The following GULP1 variants were observed in gnomAD, a reference collection of about 807,000 sequenced individuals.
GULP1 encodes PTB domain-containing engulfment adapter protein 1.
Under a neutral mutation model 40.9 loss-of-function variants are expected in GULP1, and 19 were observed. The observed-to-expected ratio is 0.46, with a 90% CI of 0.32 to 0.68. The LOEUF (loss-of-function observed/expected upper bound fraction) is 0.68. Ranked by LOEUF, GULP1 falls within the 30% of genes least tolerant of loss-of-function variation. GULP1 has a pLI of 0.03. For synonymous variants in GULP1, 119 were observed against 117.6 expected (o/e 1.01, Z -0.08); for missense variants, 312 against 362.2 (o/e 0.86, Z 1.12).
Position 188,594,143 on chromosome 2 carries a change from C to A in GULP1, c.*132C>A. ...TATTTTAATATTTTGAAAATTTTCT[C>A]AGTTAAATTTCCTCACCTTCACTAT... On this transcript the variant is annotated 3_prime_UTR_variant, in exon 12 of 12. Transcript: ENST00000409830. 1.9e-6 allele frequency: 1 copy of A among 529,104 alleles called. No homozygotes were observed. The highest frequency in any genetic ancestry group is 3.4e-6 in the Non-Finnish European group (1 of 296,370). 32.8% of individuals were successfully genotyped at this position (529,104 alleles called of 1,614,324 possible). A position where few individuals can be genotyped will look rare whatever the true frequency, so the allele number is the denominator to read the frequency against.
At chr2:188,489,955 T>C (rs897408008) in intron 4 of GULP1, among the ~76,000 whole-genome samples, 45 of 152,218 alleles carry the variant, frequency 3.0e-4, no homozygotes, top group African/African-American at 1.1e-3. Context: ...GAGATAAACT[T>C]TCAGTTAATT....
At chr2:188,555,264 AC>A (rs1164767880) in intron 7 of GULP1, among the ~76,000 whole-genome samples, 1 of 152,124 alleles carries the variant, frequency 6.6e-6, no homozygotes, top group Non-Finnish European at 1.5e-5. Flanking sequence ...CTGTAGTGGT[AC>A]ACTTTGAGTC....
chr2:188,589,784 A>C, intron 11 of GULP1: 1 of 1,215,724 alleles, frequency 8.2e-7, no homozygotes, highest in Non-Finnish European at 1.1e-6. Context: ...ATTTTAAACA[A>C]CTTACAAATT....
At chr2:188,367,031 G>T (rs923260887) in intron 1 of GULP1, among the ~76,000 whole-genome samples, 17 of 152,096 alleles carry the variant, frequency 1.1e-4, no homozygotes, top group Non-Finnish European at 2.1e-4. Flanking sequence ...ATTTGTTGTA[G>T]TAACAAATGG....
At chr2:188,510,302 T>C (rs1429400293) in intron 4 of GULP1, among the ~76,000 whole-genome samples, 1 of 152,082 alleles carries the variant, frequency 6.6e-6, no homozygotes, top group Non-Finnish European at 1.5e-5. Flanking sequence ...AAGAATGAAA[T>C]ATAGATGCTT....
chr2:188,331,023 C>T (rs186992068), intron 1 of GULP1, among the ~76,000 whole-genome samples: 1 of 152,258 alleles, frequency 6.6e-6, no homozygotes, highest in Admixed American at 6.5e-5. Flanking sequence ...AGTTATGTAC[C>T]AAGTTTTTGT....
At chr2:188,570,149 A>G (rs373024772) in intron 9 of GULP1, 29 bp downstream of exon 9, 14 of 893,200 alleles carry the variant, frequency 1.6e-5, no homozygotes, top group Non-Finnish European at 2.5e-5. Flanking sequence ...CTTAGAAACA[A>G]GATTTTATGG....
chr2:188,436,431 GTC>G (rs2057413577), intron 2 of GULP1, among the ~76,000 whole-genome samples: 1 of 151,990 alleles, frequency 6.6e-6, no homozygotes, highest in Non-Finnish European at 1.5e-5. Flanking sequence ...TAGGTCCTCA[GTC>G]TCTCATCATT....
At chr2:188,559,919 T>G (rs1156471198) in intron 7 of GULP1, among the ~76,000 whole-genome samples, 1 of 152,164 alleles carries the variant, frequency 6.6e-6, no homozygotes, top group Non-Finnish European at 1.5e-5. Flanking sequence ...GTTTTCACTT[T>G]TGCATCTTCC....
At chr2:188,519,489 G>A (rs376788354) in intron 4 of GULP1, among the ~76,000 whole-genome samples, 47 of 152,198 alleles carry the variant, frequency 3.1e-4, no homozygotes, top group African/African-American at 9.1e-4. Context: ...TCCCCATAAA[G>A]GATCCATCTT....
chr2:188,464,567 G>T (rs1009891444), intron 2 of GULP1, among the ~76,000 whole-genome samples: 1 of 152,176 alleles, frequency 6.6e-6, no homozygotes, highest in African/African-American at 2.4e-5. Flanking sequence ...AGCAATGCCA[G>T]CCAGGCCTGT....
chr2:188,450,554 T>G (rs1010591839), intron 2 of GULP1, among the ~76,000 whole-genome samples: 1 of 152,132 alleles, frequency 6.6e-6, no homozygotes, highest in Non-Finnish European at 1.5e-5. Flanking sequence ...ATTATTTATA[T>G]TCATCTGGGT....
chr2:188,297,519 C>T, intron 1 of GULP1: 1 of 481,074 alleles, frequency 2.1e-6, no homozygotes, highest in South Asian at 1.5e-5. Context: ...CCAGGAACAT[C>T]AAGGATCTTA....
rs2051831727 is a variant in GULP1 at position 188,399,673 on chromosome 2, G to A, written c.-45+15784G>A. 3.3e-5 allele frequency among the ~76,000 whole-genome samples: 3 copies of A among 90,588 alleles called. No homozygotes were observed. In the Admixed American group the frequency reaches 5.4e-4, roughly 16 times the overall value. The allele number at this position is 90,588 out of a possible 152,430, so 59.4% of individuals were successfully genotyped here. ...CTTTGAGACCAGCCTGGGCAACATAGACCCCTGTCCCTACAAGAAAAAAAA... is the reference window on the plus strand; with the variant it reads ...CTTTGAGACCAGCCTGGGCAACATAAACCCCTGTCCCTACAAGAAAAAAAA... On this transcript the variant is annotated intron_variant, in intron 2 of 11. Coordinates refer to ENST00000409830, the MANE Select transcript of GULP1 (RefSeq NM_016315.4).
rs182003248 is a variant in GULP1, at chr2:188,363,228, A to G, written c.-171-20535A>G. The stretch of plus-strand genomic sequence containing the variant: ...TTGGTAACTTTGAGGGTTCATTTTT[A>G]CACCTTTGAATAATTACAGTATATC... On this transcript the variant is annotated intron_variant, in intron 1 of 11. Coordinates refer to ENST00000409830, the MANE Select transcript of GULP1 (RefSeq NM_016315.4). 5.7e-4 allele frequency among the ~76,000 whole-genome samples: 87 copies of G among 152,232 alleles called. 1 individual carries two copies. The highest frequency in any genetic ancestry group is 7.9e-4 in the Non-Finnish European group (54 of 67,992).
At position 188,522,209 on chromosome 2, in the gene GULP1, A is replaced by T. The variant is rs552431820; in HGVS notation, c.91-547A>T. ...AAGAAGCTTGTATTTTAAATTCTAC[A>T]TGTTAGATGAGTCTCATAAGTGGAA... On this transcript the variant is annotated intron_variant, in intron 4 of 11. Transcript: ENST00000409830. Among the ~76,000 whole-genome samples the T allele has an allele frequency of 8.5e-5, 13 of 152,258 alleles. No homozygotes were observed. In the South Asian group the frequency reaches 2.7e-3, roughly 32 times the overall value.
intron 10 of GULP1, among the ~76,000 whole-genome samples, chr2:188,584,743 AT>A (rs1312337440): frequency 3.3e-5 from 5 of 151,780 alleles, no homozygotes; most frequent in Admixed American, 6.6e-5. Context: ...TAAATTGATC[AT>A]TTTTTACATG....
intron 2 of GULP1, among the ~76,000 whole-genome samples, chr2:188,448,511 C>T (rs1420054759): frequency 6.6e-6 from 1 of 152,028 alleles, no homozygotes; most frequent in East Asian, 1.9e-4. Context: ...CTGAACTTGC[C>T]ATTAGAAGAG....
chr2:188,524,604 AT>A (rs202151742), intron 5 of GULP1, among the ~76,000 whole-genome samples: 26,248 of 139,714 alleles, frequency 0.19, 2,560 homozygotes, highest in Non-Finnish European at 0.25. Context: ...ATATATATAT[AT>A]TTTTTTTTTG....
Sources: gnomAD v4.1 joint callset for allele counts (sites outside exome capture counted in the v4.1 genomes callset) on GRCh38, gnomAD v4.1.1 for gene constraint, MANE v1.5 for transcripts, NCBI Gene and HGNC (gene_info 2026-07-23, HGNC 2026-07-21) for gene names.